The following CDH12 variants were observed in gnomAD, a reference collection of about 807,000 sequenced individuals.
CDH12 encodes cadherin 12, also known as cadherin-12.
CDH12 carries 41 observed loss-of-function variants against 74.1 expected under a neutral mutation model. The observed-to-expected ratio is 0.55, with a 90% CI of 0.43 to 0.72. The LOEUF (loss-of-function observed/expected upper bound fraction) is 0.72, where lower values mean the gene tolerates loss of function less well. Among genes scored for constraint, CDH12 ranks in the 30% least tolerant of loss-of-function variants. CDH12 has a pLI of 0.00. For missense variants in CDH12, 945 were observed against 977.2 expected, an observed-to-expected ratio of 0.97 and a Z score of 0.44; for synonymous variants, 399 against 355.0, an observed-to-expected ratio of 1.12 and a Z score of -1.39.
chr5:22,506,479 T>A (rs2662502), intron 1 of CDH12, among the ~76,000 whole-genome samples: 2 of 152,288 alleles, frequency 1.3e-5, no homozygotes, highest in Non-Finnish European at 2.9e-5. Flanking sequence ...ATGTCTTTTT[T>A]GACATACCAT....
intron 8 of CDH12, among the ~76,000 whole-genome samples, chr5:21,833,520 G>GATACGTAATATATTATATAAT (rs1554035603): frequency 2.6e-5 from 3 of 117,196 alleles, no homozygotes; most frequent in African/African-American, 9.6e-5. Flanking sequence ...TGGCATATGT[G>GATACGTAATATATTATATAAT]ATATGTCATA....
intron 1 of CDH12, among the ~76,000 whole-genome samples, chr5:22,694,114 T>A (rs1216296317): frequency 6.6e-6 from 1 of 152,030 alleles, no homozygotes; most frequent in Non-Finnish European, 1.5e-5. Flanking sequence ...AATTTTAAAT[T>A]TTTTTTGTAG....
At chr5:22,234,327 G>T (rs1056307627) in intron 3 of CDH12, among the ~76,000 whole-genome samples, 1 of 152,048 alleles carries the variant, frequency 6.6e-6, no homozygotes, top group African/African-American at 2.4e-5. Flanking sequence ...ACCTGGAAAG[G>T]GGGGCGTAAT....
intron 1 of CDH12, among the ~76,000 whole-genome samples, chr5:22,677,153 G>A (rs1741237992): frequency 6.6e-6 from 1 of 152,224 alleles, no homozygotes; most frequent in Non-Finnish European, 1.5e-5. Flanking sequence ...TTGTGCATTG[G>A]TTTTATTGAT....
intron 3 of CDH12, among the ~76,000 whole-genome samples, chr5:22,284,019 C>G (rs1416332339): frequency 1.3e-5 from 2 of 152,052 alleles, no homozygotes; most frequent in Non-Finnish European, 2.9e-5. Context: ...TTAAAATAAA[C>G]TTAGTTACTG....
intron 5 of CDH12, among the ~76,000 whole-genome samples, chr5:22,052,355 T>G (rs1380954509): frequency 6.6e-6 from 1 of 152,168 alleles, no homozygotes; most frequent in Admixed American, 6.6e-5. Flanking sequence ...TAAAACTATG[T>G]GTGATTATCT....
chr5:22,708,574 C>A (rs898095403), intron 1 of CDH12, among the ~76,000 whole-genome samples: 1 of 151,982 alleles, frequency 6.6e-6, no homozygotes, highest in African/African-American at 2.4e-5. Flanking sequence ...TAAAAGAAAG[C>A]AGGACAATTT....
chr5:22,697,546 TG>T, intron 1 of CDH12, among the ~76,000 whole-genome samples: 2 of 124,558 alleles, frequency 1.6e-5, no homozygotes, highest in Admixed American at 1.0e-4. Context: ...CACTCCAGCG[TG>T]GGCGACAGAG....
At chr5:21,969,314 G>C (rs537195989) in intron 6 of CDH12, among the ~76,000 whole-genome samples, 1 of 152,252 alleles carries the variant, frequency 6.6e-6, no homozygotes, top group Non-Finnish European at 1.5e-5. Flanking sequence ...GAATCATTGA[G>C]AGCCAGAGTA....
At chr5:22,787,935 C>T (rs774749126) in intron 1 of CDH12, among the ~76,000 whole-genome samples, 145 of 152,188 alleles carry the variant, frequency 9.5e-4, no homozygotes, top group Non-Finnish European at 8.1e-4. Context: ...AGATGACATA[C>T]CAACACTTTT....
chr5:22,817,601 G>A (rs1167043359), intron 1 of CDH12, among the ~76,000 whole-genome samples: 2 of 151,822 alleles, frequency 1.3e-5, no homozygotes, highest in Non-Finnish European at 2.9e-5. Context: ...TTAATTACTT[G>A]GCTGATTTAT....
At chr5:22,401,206 C>T (rs1261392) in intron 3 of CDH12, among the ~76,000 whole-genome samples, 13,009 of 152,018 alleles carry the variant, frequency 0.086, 607 homozygotes, top group South Asian at 0.17. Flanking sequence ...AAAACATGTA[C>T]GAAATAGCAC....
intron 6 of CDH12, among the ~76,000 whole-genome samples, chr5:21,951,528 G>A (rs1315180920): frequency 3.9e-5 from 6 of 152,188 alleles, no homozygotes; most frequent in Non-Finnish European, 8.8e-5. Flanking sequence ...GATTACAGGC[G>A]TAAGTCATCG....
intron 6 of CDH12, among the ~76,000 whole-genome samples, chr5:21,858,724 T>C (rs1364382383): frequency 6.6e-6 from 1 of 151,858 alleles, no homozygotes; most frequent in Non-Finnish European, 1.5e-5. Flanking sequence ...TAAAGGGGAA[T>C]GGGAGGAGAA....
At chr5:22,728,697 T>C (rs907730331) in intron 1 of CDH12, among the ~76,000 whole-genome samples, 2 of 151,896 alleles carry the variant, frequency 1.3e-5, no homozygotes, top group Admixed American at 6.6e-5. Context: ...CCAGTGTCTG[T>C]TAGGAGTCAG....
intron 2 of CDH12, among the ~76,000 whole-genome samples, chr5:22,441,451 T>C (rs943220878): frequency 3.9e-5 from 6 of 152,266 alleles, no homozygotes; most frequent in African/African-American, 1.4e-4. Context: ...CACTGTGTGC[T>C]TGACAATCCA....
At chr5:22,534,697 A>G (rs959775806) in intron 1 of CDH12, among the ~76,000 whole-genome samples, 2 of 151,988 alleles carry the variant, frequency 1.3e-5, no homozygotes, top group Admixed American at 1.3e-4. Context: ...CATATGGAGG[A>G]GTACAGGGTT....
chr5:22,185,818 A>C (rs2150341562), intron 4 of CDH12, among the ~76,000 whole-genome samples: 1 of 152,346 alleles, frequency 6.6e-6, no homozygotes, highest in East Asian at 1.9e-4. Flanking sequence ...TCCACAAAAA[A>C]AGATTTATAT....
intron 2 of CDH12, among the ~76,000 whole-genome samples, chr5:22,464,027 G>T (rs1035659756): frequency 2.0e-5 from 3 of 152,116 alleles, no homozygotes; most frequent in Non-Finnish European, 4.4e-5. Flanking sequence ...CATGTGTCTT[G>T]GGAGGAACCC....
Sources: allele counts gnomAD v4.1 joint callset (sites outside exome capture counted in the v4.1 genomes callset), GRCh38; gene constraint gnomAD v4.1.1; transcripts MANE v1.5; gene names NCBI Gene and HGNC (gene_info 2026-07-23, HGNC 2026-07-21).